Variants in LAMA1 observed in about 807,000 individuals in gnomAD.
The protein encoded by LAMA1 is laminin subunit alpha 1, also known as laminin subunit alpha-1.
In LAMA1, 219 loss-of-function variants were observed where a neutral mutation model predicts 348.7. The ratio of observed to expected loss-of-function variants is 0.63; its 90% CI spans 0.56 to 0.70. LAMA1 has a LOEUF of 0.70. LAMA1 is among the 30% of genes least tolerant of loss of function. LAMA1 has a pLI of 0.00. For missense variants in LAMA1, 3,744 were observed against 3,888.0 expected (o/e 0.96, Z 0.99); for synonymous variants, 1,487 against 1,491.0 (o/e 1.00, Z 0.06).
chr18:6,942,072 T>C lies in LAMA1; in HGVS notation c.*7A>G. 1 of 1,614,096 alleles carries C rather than the reference T, an allele frequency of 6.2e-7. No homozygotes were observed. The highest frequency in any genetic ancestry group is 8.5e-7 in the Non-Finnish European group (1 of 1,180,000). On this transcript the variant is annotated 3_prime_UTR_variant, in exon 63 of 63. Coordinates refer to ENST00000389658, the MANE Select transcript of LAMA1 (RefSeq NM_005559.4). ...CAATGATTCCAACTGAGGATTCTGCTTGAAGTTCAGGACTCGGTCCCAGGA... is the reference window on the plus strand; with the variant it reads ...CAATGATTCCAACTGAGGATTCTGCCTGAAGTTCAGGACTCGGTCCCAGGA...
In LAMA1 at chr18:6,975,931, A is replaced by G; in HGVS notation, c.6489+6T>C. Reference sequence around the variant, plus strand: ...CAGTGTCGCTTTCCAAAGGTCCATAACTTACAGCGGTGCTGCTACCGAGGT... The same window carrying G: ...CAGTGTCGCTTTCCAAAGGTCCATAGCTTACAGCGGTGCTGCTACCGAGGT... On this transcript the variant is annotated splice_donor_region_variant and intron_variant, in intron 45 of 62. Transcript: ENST00000389658. 1 of 1,614,122 alleles carries G rather than the reference A, an allele frequency of 6.2e-7. No individual in the cohort carries two copies. Among genetic ancestry groups the G allele is most frequent in the Non-Finnish European group, 8.5e-7 (1 of 1,180,036 alleles).
At position 7,042,105 on chromosome 18, in the gene LAMA1, C is replaced by T. The variant is rs9957859; in HGVS notation, c.1261+40G>A. On this transcript the variant is annotated intron_variant, in intron 9 of 62. Transcript: ENST00000389658. ...TATGTGCAAATCTTCCACACACACA[C>T]AAAATCAATTACAAGCACAAAAGTG... 0.17 allele frequency: 231,965 copies of T among 1,385,022 alleles called. 20,779 individuals carry two copies. Among genetic ancestry groups the T allele is most frequent in the Admixed American group, 0.23 (13,070 of 56,462 alleles). 85.8% of individuals were successfully genotyped at this position (1,385,022 alleles called of 1,614,324 possible).
intron 11 of LAMA1, 142 bp downstream of exon 11, chr18:7,038,668 T>C: frequency 8.7e-7 from 1 of 1,152,034 alleles, no homozygotes; most frequent in East Asian, 2.3e-5. Context: ...GACGGCTGCC[T>C]TTGACCCACG....
intron 3 of LAMA1, among the ~76,000 whole-genome samples, chr18:7,070,141 A>G (rs2058139915): frequency 6.6e-6 from 1 of 152,236 alleles, no homozygotes; most frequent in African/African-American, 2.4e-5. Context: ...AGGGTGGCTT[A>G]CTTCCAAATC....
Position 6,978,380 on chromosome 18 carries a change from T to C in LAMA1, c.6008-2A>G, listed in dbSNP as rs376011036. 59 of 1,613,372 alleles carry C rather than the reference T, an allele frequency of 3.7e-5. No homozygotes were observed. Among genetic ancestry groups the C allele is most frequent in the Non-Finnish European group, 4.7e-5 (56 of 1,179,696 alleles). ...TTTTGGCTCCCTTGTCTCTTATACC[T>C]AAAATAAATGTATATAAAAGCATGC... On this transcript the variant is annotated splice_acceptor_variant, in intron 42 of 62. Transcript: ENST00000389658. LOFTEE classifies it high-confidence loss of function.
chr18:7,094,426 CAAA>C (rs1194222301), intron 1 of LAMA1, among the ~76,000 whole-genome samples: 3,468 of 63,402 alleles, frequency 0.055, 101 homozygotes, highest in African/African-American at 0.12. Flanking sequence ...GACTCCGTCT[CAAA>C]AAAAAAAAAA....
At chr18:6,987,182 T>C (rs976831089) in intron 36 of LAMA1, among the ~76,000 whole-genome samples, 3 of 152,220 alleles carry the variant, frequency 2.0e-5, no homozygotes, top group Non-Finnish European at 1.5e-5. Flanking sequence ...ATCCGAACAC[T>C]TAAACTTTCT....
rs2058184221 is a variant in LAMA1, at chr18:7,079,514, G to A, written c.345+461C>T. The stretch of plus-strand genomic sequence containing the variant: ...CCCAGACAGACTACATGTGGCAGGG[G>A]AGACACAGTCAAGAGGTTTAACACC... On this transcript the variant is annotated intron_variant, in intron 3 of 62. Coordinates refer to ENST00000389658, the MANE Select transcript of LAMA1 (RefSeq NM_005559.4). 7 of 232,418 alleles carry A rather than the reference G, an allele frequency of 3.0e-5. No homozygotes were observed. The South Asian group carries it at 4.5e-4, about 15-fold the overall frequency. 14.4% of individuals were successfully genotyped at this position (232,418 alleles called of 1,614,324 possible). A position where few individuals can be genotyped will look rare whatever the true frequency, so the allele number is the denominator to read the frequency against.
At chr18:7,038,418 G>A (rs1369913000) in intron 11 of LAMA1, among the ~76,000 whole-genome samples, 1 of 152,128 alleles carries the variant, frequency 6.6e-6, no homozygotes, top group East Asian at 1.9e-4. Flanking sequence ...GCCACTGGAG[G>A]GCCTCCTACT....
chr18:7,114,572 C>T (rs1438259314), intron 1 of LAMA1, among the ~76,000 whole-genome samples: 1 of 152,212 alleles, frequency 6.6e-6, no homozygotes, highest in African/African-American at 2.4e-5. Flanking sequence ...ACTTTTCTCA[C>T]ATTATTTCAT....
chr18:7,097,296 TG>T (rs1488627251), intron 1 of LAMA1, among the ~76,000 whole-genome samples: 1 of 151,216 alleles, frequency 6.6e-6, no homozygotes, highest in Non-Finnish European at 1.5e-5. Context: ...AAAAAAAGAA[TG>T]AAAGAAATTC....
intron 36 of LAMA1, among the ~76,000 whole-genome samples, chr18:6,986,654 T>C (rs1048025380): frequency 6.6e-6 from 1 of 152,044 alleles, no homozygotes; most frequent in Non-Finnish European, 1.5e-5. Flanking sequence ...TGTTCCCATA[T>C]AGTTTGCTGA....
At chr18:7,033,490 G>A (rs2057980550) in intron 14 of LAMA1, among the ~76,000 whole-genome samples, 1 of 150,422 alleles carries the variant, frequency 6.6e-6, no homozygotes, top group South Asian at 2.1e-4. Flanking sequence ...CCAATAAAAG[G>A]GTGATGTGAT....
intron 9 of LAMA1, 83 bp from the exon 10 acceptor site, chr18:7,040,319 G>T: frequency 7.1e-7 from 1 of 1,406,696 alleles, no homozygotes; most frequent in Non-Finnish European, 1.0e-6. Context: ...TCTGTAAAGG[G>T]TCAGAGGGTA....
chr18:7,088,434 C>T (rs1416849813), intron 1 of LAMA1, among the ~76,000 whole-genome samples: 1 of 152,162 alleles, frequency 6.6e-6, no homozygotes. Context: ...TGAGAGGGAG[C>T]TAGCCATGCA....
At chr18:7,079,628 A>C in intron 3 of LAMA1, 1 of 366,506 alleles carries the variant, frequency 2.7e-6, no homozygotes, top group Admixed American at 4.0e-5. Flanking sequence ...AAAAGTTAGG[A>C]AATACATGTG....
intron 1 of LAMA1, among the ~76,000 whole-genome samples, chr18:7,098,161 C>T (rs2058270688): frequency 6.6e-6 from 1 of 151,874 alleles, no homozygotes; most frequent in Non-Finnish European, 1.5e-5. Context: ...CTCAATGGTG[C>T]CCAGGCTGGA....
In LAMA1 at chr18:6,958,590, C is replaced by A; in HGVS notation, c.7851G>T (p.Thr2617=). ...MKLGTLVESR[T]INVSNLYVGG... is the part of the protein sequence containing the mutation. ...CGACGTACAGATTGGACACATTTAT[C>A]GTCCTGCTTTCTACTAATGTGCCCA... The change falls in exon 55 of 63, where the codon ACG becomes ACT. Residue 2617 remains threonine, a synonymous_variant. Coordinates refer to ENST00000389658, the MANE Select transcript of LAMA1 (RefSeq NM_005559.4). The A allele has an allele frequency of 6.2e-7, 1 of 1,614,088 alleles. No individual in the cohort carries two copies. Among genetic ancestry groups the A allele is most frequent in the South Asian group, 1.1e-5 (1 of 91,086 alleles).
intron 26 of LAMA1, among the ~76,000 whole-genome samples, chr18:7,009,577 G>C (rs512734): frequency 0.23 from 35,516 of 152,044 alleles, 4,574 homozygotes; most frequent in Non-Finnish European, 0.29. Flanking sequence ...ACCTAAGGCA[G>C]TGCCAGCCAC....
Sources: allele counts gnomAD v4.1 joint callset (sites outside exome capture counted in the v4.1 genomes callset), GRCh38; gene constraint gnomAD v4.1.1; transcripts MANE v1.5; gene names NCBI Gene and HGNC (gene_info 2026-07-23, HGNC 2026-07-21).